HERC1: variants seen among roughly 807,000 people sequenced by gnomAD.
HERC1 encodes the protein HECT and RLD domain containing E3 ubiquitin protein ligase family member 1.
HERC1 carries 160 observed loss-of-function variants against 554.3 expected under a neutral mutation model. That is an observed-to-expected ratio of 0.29 (90% CI 0.25 to 0.33). HERC1 has a LOEUF of 0.33. Among genes scored for constraint, HERC1 ranks in the 10% least tolerant of loss-of-function variants. The pLI is 1.00. For synonymous variants in HERC1, 2,175 were observed against 2,131.7 expected (o/e 1.02, Z -0.56); for missense variants, 4,919 against 5,918.5 (o/e 0.83, Z 5.54).
At chr15:63,828,344 C>CTT (rs369216037) in intron 1 of HERC1, among the ~76,000 whole-genome samples, 4 of 144,206 alleles carry the variant, frequency 2.8e-5, no homozygotes, top group African/African-American at 5.1e-5. Flanking sequence ...AACTTTTTTC[C>CTT]TTTTTTTTTT....
intron 1 of HERC1, among the ~76,000 whole-genome samples, chr15:63,785,281 G>A (rs985225844): frequency 1.3e-5 from 2 of 151,950 alleles, no homozygotes; most frequent in Admixed American, 6.6e-5. Context: ...AAAATTATCT[G>A]GGCATGGTGG....
rs193260190 is a variant in HERC1, at chr15:63,616,411, T to C, written c.13941+19A>G. 3.2e-5 allele frequency: 51 copies of C among 1,607,162 alleles called. 1 individual carries two copies. Among genetic ancestry groups the C allele is most frequent in the South Asian group, 1.9e-4 (17 of 90,892 alleles). On this transcript the variant is annotated intron_variant, in intron 75 of 77. Transcript: ENST00000443617. ...TAGGACGTCAACACCAGTAGAAACA[T>C]AGACTGGCCAGGATTTACCTCATGG...
At chr15:63,641,716 C>T (rs1440858330) in intron 59 of HERC1, 73 bp from the exon 60 acceptor site, 13 of 1,257,754 alleles carry the variant, frequency 1.0e-5, no homozygotes, top group African/African-American at 6.0e-5. Context: ...ATTTAATCTG[C>T]GAAATTCCTT....
chr15:63,789,184 G>A (rs573178581), intron 1 of HERC1, among the ~76,000 whole-genome samples: 1,650 of 138,448 alleles, frequency 0.012, 33 homozygotes, highest in African/African-American at 0.043. Flanking sequence ...TCCGCCTCCC[G>A]GGTTCACGCC....
chr15:63,654,041 T>C, intron 51 of HERC1, 78 bp downstream of exon 51: 1 of 1,123,044 alleles, frequency 8.9e-7, no homozygotes, highest in Non-Finnish European at 1.3e-6. Flanking sequence ...AGACCTAAAC[T>C]TTGAGCTCCT....
Position 63,623,734 on chromosome 15 carries a change from C to T in HERC1, c.13602G>A (p.Glu4534=), listed in dbSNP as rs2068185373. ...AGGVFDDTIT[E]MCQELETGIV... ...CACTGCAGGAATATACCTGGCACAT[C>T]TCTGTGATGGTGTCATCAAACACTC... Residue 4534 remains glutamate, a synonymous_variant, in exon 73 of 78, where the codon GAG becomes GAA. Transcript: ENST00000443617. 6.2e-7 allele frequency: 1 copy of T among 1,613,698 alleles called. No homozygotes were observed. Among genetic ancestry groups the T allele is most frequent in the Non-Finnish European group, 8.5e-7 (1 of 1,179,784 alleles).
At chr15:63,640,548 A>T (rs2068991664) in intron 60 of HERC1, 103 bp from the exon 61 acceptor site, 9 of 968,854 alleles carry the variant, frequency 9.3e-6, no homozygotes, top group Non-Finnish European at 1.4e-5. Flanking sequence ...TTTCAAGTTT[A>T]CTGTTTAAGC....
rs1251091813 is a variant in HERC1 at position 63,694,557 on chromosome 15, A to G, written c.5243-8T>C. Reference sequence around the variant, plus strand: ...GCAGACGTTGCTGGGCTTCTAAAAGACAAAGAGACAGTTAAGAATCTTCCT... The same window carrying G: ...GCAGACGTTGCTGGGCTTCTAAAAGGCAAAGAGACAGTTAAGAATCTTCCT... On this transcript the variant is annotated splice_polypyrimidine_tract_variant and splice_region_variant and intron_variant, in intron 28 of 77. Transcript: ENST00000443617. The surrounding 1 kb of genome is among the most constrained non-coding windows in gnomAD (Gnocchi z 4.3). 3.7e-6 allele frequency: 6 copies of G among 1,607,396 alleles called. No individual in the cohort carries two copies. The highest frequency in any genetic ancestry group is 1.1e-5 in the South Asian group (1 of 90,964).
At chr15:63,636,274 T>C (rs561887691) in intron 64 of HERC1, 132 bp from the exon 65 acceptor site, 2 of 183,046 alleles carry the variant, frequency 1.1e-5, no homozygotes, top group Non-Finnish European at 1.8e-5. Flanking sequence ...ATTTCATTAG[T>C]TTTTTTTTTT....
At chr15:63,789,757 C>T (rs1275567099) in intron 1 of HERC1, among the ~76,000 whole-genome samples, 4 of 151,380 alleles carry the variant, frequency 2.6e-5, no homozygotes, top group Admixed American at 2.6e-4. Flanking sequence ...GAGATGATGC[C>T]ACCCAGGTCT....
At chr15:63,829,409 T>C (rs1263688869) in intron 1 of HERC1, among the ~76,000 whole-genome samples, 1 of 148,034 alleles carries the variant, frequency 6.8e-6, no homozygotes, top group South Asian at 2.1e-4. Flanking sequence ...GGTGACAGAG[T>C]GAGGCCCTGT....
intron 65 of HERC1, among the ~76,000 whole-genome samples, chr15:63,635,561 AACACTAT>A: frequency 6.6e-6 from 1 of 152,374 alleles, no homozygotes; most frequent in South Asian, 2.1e-4. Context: ...ATGATTTTAG[AACACTAT>A]TTTCCAGAAA....
intron 14 of HERC1, among the ~76,000 whole-genome samples, chr15:63,731,692 AAAGAGTACGTAGACCAGACCCTG>A (rs1278100875): frequency 6.6e-6 from 1 of 152,200 alleles, no homozygotes; most frequent in Non-Finnish European, 1.5e-5. Context: ...ATTGGAAGAA[AAAGAGTACGTAGACCAGACCCTG>A]AAGAGCCACA....
intron 2 of HERC1, among the ~76,000 whole-genome samples, chr15:63,770,386 T>A (rs1414008904): frequency 8.5e-5 from 13 of 152,228 alleles, no homozygotes; most frequent in Admixed American, 6.5e-4. Context: ...ATTTGAAATG[T>A]CTGTGCATCC....
chr15:63,802,012 TC>T (rs1202781432), intron 1 of HERC1, among the ~76,000 whole-genome samples: 3 of 152,028 alleles, frequency 2.0e-5, no homozygotes, highest in African/African-American at 7.2e-5. Flanking sequence ...AACCCATGTC[TC>T]CCCCAATACA....
At position 63,666,153 on chromosome 15, in the gene HERC1, A is replaced by G; in HGVS notation, c.8324-3T>C. On this transcript the variant is annotated splice_region_variant and splice_polypyrimidine_tract_variant and intron_variant, in intron 41 of 77. Coordinates refer to ENST00000443617, the MANE Select transcript of HERC1 (RefSeq NM_003922.4). Reference sequence around the variant, plus strand: ...GGCATCAGCCTCTCCCCTAGCACCTATACAGGGGAAAAACAGTCTGATGCT... The same window carrying G: ...GGCATCAGCCTCTCCCCTAGCACCTGTACAGGGGAAAAACAGTCTGATGCT... 1 of 1,602,740 alleles carries G rather than the reference A, an allele frequency of 6.2e-7. No individual in the cohort carries two copies. The highest frequency in any genetic ancestry group is 8.5e-7 in the Non-Finnish European group (1 of 1,173,338).
At chr15:63,825,535 T>C (rs1383599191) in intron 1 of HERC1, among the ~76,000 whole-genome samples, 2 of 151,994 alleles carry the variant, frequency 1.3e-5, no homozygotes, top group Non-Finnish European at 2.9e-5. Context: ...AATAAACAAA[T>C]AAAATGAGAG....
chr15:63,823,208 T>C (rs2077763731), intron 1 of HERC1, among the ~76,000 whole-genome samples: 2 of 152,192 alleles, frequency 1.3e-5, no homozygotes, highest in East Asian at 3.8e-4. Flanking sequence ...TGTGTGTCCA[T>C]GTTTTCTCAT....
chr15:63,626,270 T>C (rs1322619823), intron 70 of HERC1, 116 bp from the exon 71 acceptor site: 2 of 933,620 alleles, frequency 2.1e-6, no homozygotes, highest in East Asian at 2.6e-5. Context: ...GGACACCCAT[T>C]CAAACCTCTA....
Sources: allele counts gnomAD v4.1 joint callset (sites outside exome capture counted in the v4.1 genomes callset), GRCh38; gene constraint gnomAD v4.1.1; non-coding constraint Gnocchi (gnomAD v3.1); transcripts MANE v1.5; gene names NCBI Gene and HGNC (gene_info 2026-07-23, HGNC 2026-07-21).